Variants in RHOT2 observed in about 807,000 individuals in gnomAD.
RHOT2 encodes the protein ras homolog family member T2.
A neutral mutation model predicts 81.6 loss-of-function variants in RHOT2; 90 were observed. The observed-to-expected ratio is 1.10, with a 90% CI of 0.93 to 1.31. The LOEUF is 1.31. Ranked by LOEUF, RHOT2 falls within the 40% of genes most tolerant of loss-of-function variation. RHOT2 has a pLI of 0.00. For missense variants in RHOT2, 1,014 were observed against 841.9 expected (o/e 1.20, Z -2.53); for synonymous variants, 512 against 370.9 (o/e 1.38, Z -4.37).
At chr16:669,835 C>A (rs1208512104) in intron 5 of RHOT2, 2 of 619,032 alleles carry the variant, frequency 3.2e-6, no homozygotes, top group Non-Finnish European at 5.7e-6. Context: ...CCTCTTTCTT[C>A]CCCAGTTTCC....
At position 670,788 on chromosome 16, in the gene RHOT2, C is replaced by T. The variant is rs548195576; in HGVS notation, c.639+15C>T. 5.0e-6 allele frequency: 8 copies of T among 1,610,892 alleles called. No individual in the cohort carries two copies. In the African/African-American group the frequency reaches 5.3e-5, roughly 11 times the overall value. On this transcript the variant is annotated intron_variant, in intron 9 of 18. Transcript: ENST00000315082. ...ACGCTTTCCAGGTGTGCCCCTGCCC[C>T]ACCCTCGGTGCCCAGCCCCCTTGAA...
At position 670,969 on chromosome 16, in the gene RHOT2, C is replaced by T. The variant is rs752236633; in HGVS notation, c.717C>T (p.Gly239=). 21 of 1,565,968 alleles carry T rather than the reference C, an allele frequency of 1.3e-5. 1 individual carries two copies. The South Asian group carries it at 1.6e-4, about 12-fold the overall frequency. ...VKTVVCRNVA[G]GVREDRLTLD... Reference sequence around the variant, plus strand: ...CGGTGGTGTGCAGGAACGTGGCGGGCGGCGTGCGGGAGGACCGGCTGACCC... The same window carrying T: ...CGGTGGTGTGCAGGAACGTGGCGGGTGGCGTGCGGGAGGACCGGCTGACCC... Residue 239 remains glycine (G), a synonymous_variant, in exon 10 of 19, where the codon GGC becomes GGT. Transcript: ENST00000315082.
At chr16:669,525 C>T in intron 4 of RHOT2, 28 bp from the exon 5 acceptor site, 2 of 1,609,242 alleles carry the variant, frequency 1.2e-6, no homozygotes, top group South Asian at 2.2e-5. Flanking sequence ...GCAGCCCTGT[C>T]ACCCACACCT....
chr16:668,453 C>A, intron 2 of RHOT2, 35 bp from the exon 3 acceptor site: 1 of 1,578,586 alleles, frequency 6.3e-7, no homozygotes, highest in Middle Eastern at 1.8e-4. Flanking sequence ...CGGGCCCAGC[C>A]GGGGGTCCCT....
rs780674095 is a variant in RHOT2, at chr16:670,780, C to A, written c.639+7C>A. 1 of 1,611,132 alleles carries A rather than the reference C, an allele frequency of 6.2e-7. No homozygotes were observed. Among genetic ancestry groups the A allele is most frequent in the Non-Finnish European group, 8.5e-7 (1 of 1,179,486 alleles). ...AGAGCTCAACGCTTTCCAGGTGTGCCCCTGCCCCACCCTCGGTGCCCAGCC... is the reference window on the plus strand; with the variant it reads ...AGAGCTCAACGCTTTCCAGGTGTGCACCTGCCCCACCCTCGGTGCCCAGCC... On this transcript the variant is annotated splice_region_variant and intron_variant, in intron 9 of 18. Transcript: ENST00000315082.
Position 672,685 on chromosome 16 carries a change from G to A in RHOT2, c.1405-18G>A. The A allele has an allele frequency of 6.2e-7, 1 of 1,611,878 alleles. No homozygotes were observed. The highest frequency in any genetic ancestry group is 1.1e-5 in the South Asian group (1 of 91,084). ...ACCGAGCCCCAGGGACCCTTCCTAA[G>A]GCCGCTGTCTGTCCCAGCTCTGTGA... On this transcript the variant is annotated intron_variant, in intron 16 of 18. Coordinates refer to ENST00000315082, the MANE Select transcript of RHOT2 (RefSeq NM_138769.3).
Position 673,489 on chromosome 16 carries a change from C to T in RHOT2, c.1740C>T (p.Val580=), listed in dbSNP as rs774508536. The T allele has an allele frequency of 1.2e-5, 19 of 1,612,518 alleles. No homozygotes were observed. The highest frequency in any genetic ancestry group is 9.9e-5 in the South Asian group (9 of 91,080). The part of the protein sequence containing the change: ...LATMAAFPHL[V]HAELHPSSFW... ...TTCTTCTCTCTTGCAGACATTTGGT[C>T]CACGCAGAGCTGCATCCCTCTTCCT... The change falls in exon 19 of 19, where the codon GTC becomes GTT. Residue 580 remains valine (V), a synonymous_variant. Coordinates refer to ENST00000315082, the MANE Select transcript of RHOT2 (RefSeq NM_138769.3).
At chr16:668,610 C>G in intron 3 of RHOT2, 41 bp downstream of exon 3, 1 of 1,609,212 alleles carries the variant, frequency 6.2e-7, no homozygotes, top group South Asian at 1.1e-5. Context: ...CCGCAGCGGT[C>G]CGGCGGGCCT....
rs1404578705 is a variant in RHOT2, at chr16:670,748, G to C, written c.614G>C (p.Ser205Thr). 2.5e-6 allele frequency: 4 copies of C among 1,612,350 alleles called. No homozygotes were observed. The highest frequency in any genetic ancestry group is 3.4e-6 in the Non-Finnish European group (4 of 1,179,944). The change falls in exon 9 of 19, where the codon AGT becomes ACT. Residue 205 changes from serine to threonine, a missense_variant. Coordinates refer to ENST00000315082, the MANE Select transcript of RHOT2 (RefSeq NM_138769.3). ...GATCAGGACCTGGACCAGGCGCTCA[G>C]TGACGAAGAGCTCAACGCTTTCCAG... is the stretch of plus-strand genomic sequence containing the variant. ...LSDQDLDQALSDEELNAFQKS... is the reference protein window; with the variant it reads ...LSDQDLDQALTDEELNAFQKS...
In RHOT2 at chr16:668,387, G is replaced by A. The variant is rs2038276253; in HGVS notation, c.72G>A (p.Leu24=). 6.8e-7 allele frequency: 1 copy of A among 1,463,322 alleles called. No individual in the cohort carries two copies. The highest frequency in any genetic ancestry group is 9.0e-7 in the Non-Finnish European group (1 of 1,114,590). 90.6% of individuals were successfully genotyped at this position (1,463,322 alleles called of 1,614,324 possible). ...QVGKTSLILS[L]VGEEFPEEVP... Reference sequence around the variant, plus strand: ...GGAAGACGTCGCTGATCCTGTCCCTGGTGGGCGAGGAGTTCCCCGAGGAGG... The same window carrying A: ...GGAAGACGTCGCTGATCCTGTCCCTAGTGGGCGAGGAGTTCCCCGAGGAGG... Residue 24 remains leucine (L), a synonymous_variant, in exon 2 of 19, where the codon CTG becomes CTA. Coordinates refer to ENST00000315082, the MANE Select transcript of RHOT2 (RefSeq NM_138769.3).
chr16:668,325 C>T (rs750182986), intron 1 of RHOT2, 28 bp from the exon 2 acceptor site: 2 of 1,379,254 alleles, frequency 1.5e-6, no homozygotes, highest in Admixed American at 7.6e-5. Context: ...GACCTTGGCC[C>T]TCGCGCTGAC....
intron 5 of RHOT2, 112 bp downstream of exon 5, chr16:669,718 C>G (rs2038583097): frequency 2.7e-6 from 3 of 1,130,144 alleles, no homozygotes. Context: ...TTTGGGGAGC[C>G]TGACGTGGAG....
At position 671,685 on chromosome 16, in the gene RHOT2, G is replaced by A; in HGVS notation, c.870-12G>A. ...TCTCCTGGGAGCTAGACGGGCTGTG[G>A]CCTCCCTGCAGGATCCACGTGCCCC... On this transcript the variant is annotated splice_polypyrimidine_tract_variant and intron_variant, in intron 11 of 18. Transcript: ENST00000315082. 1 of 1,609,358 alleles carries A rather than the reference G, an allele frequency of 6.2e-7. No individual in the cohort carries two copies. Among genetic ancestry groups the A allele is most frequent in the East Asian group, 2.2e-5 (1 of 44,778 alleles).
In RHOT2 at chr16:670,471, C is replaced by T. The variant is rs763786580; in HGVS notation, c.454C>T (p.Leu152=). 8.7e-6 allele frequency: 14 copies of T among 1,606,770 alleles called. No homozygotes were observed. In the East Asian group the frequency reaches 1.3e-4, roughly 15 times the overall value. ...ETCVECSAKN[L]RNISELFYYA... ...ACTTTCCCAGTGTTCGGCCAAGAACCTGAGGAACATCTCAGAGCTGTTCTA... is the reference window on the plus strand; with the variant it reads ...ACTTTCCCAGTGTTCGGCCAAGAACTTGAGGAACATCTCAGAGCTGTTCTA... The change falls in exon 8 of 19, where the codon CTG becomes TTG. Residue 152 remains leucine (L), a synonymous_variant. Coordinates refer to ENST00000315082, the MANE Select transcript of RHOT2 (RefSeq NM_138769.3).
chr16:669,515 G>C, intron 4 of RHOT2, 38 bp from the exon 5 acceptor site: 1 of 1,605,746 alleles, frequency 6.2e-7, no homozygotes, highest in Non-Finnish European at 8.5e-7. Context: ...TGGTGAGCCA[G>C]CAGCCCTGTC....
In RHOT2 at chr16:670,466, A is replaced by G. The variant is rs775926880; in HGVS notation, c.449A>G (p.Lys150Arg). 6.2e-6 allele frequency: 10 copies of G among 1,606,284 alleles called. No individual in the cohort carries two copies. In the Admixed American group the frequency reaches 1.0e-4, roughly 16 times the overall value. ...TTCCCACTTTCCCAGTGTTCGGCCA[A>G]GAACCTGAGGAACATCTCAGAGCTG... ...EIETCVECSA[K>R]NLRNISELFY... The change falls in exon 8 of 19, where the codon AAG becomes AGG. Residue 150 changes from lysine to arginine, a missense_variant. Physicochemically the swap from Lys to Arg is conservative, Grantham distance 26 (BLOSUM62 2). Transcript: ENST00000315082.
Position 672,365 on chromosome 16 carries a change from T to G in RHOT2, c.1307T>G (p.Phe436Cys). ...GVGKSAFLQA[F>C]LGRGLGHQDT... ...GGCAAGTCTGCCTTCCTGCAGGCCT[T>G]TCTCGGCCGCGGCCTGGGGGTAAGC... The change falls in exon 15 of 19, where the codon TTT becomes TGT. Residue 436 changes from phenylalanine (F) to cysteine (C), a missense_variant. Transcript: ENST00000315082. 6.2e-7 allele frequency: 1 copy of G among 1,610,888 alleles called. No homozygotes were observed. Among genetic ancestry groups the G allele is most frequent in the Non-Finnish European group, 8.5e-7 (1 of 1,178,868 alleles).
In RHOT2 at chr16:670,144, C is replaced by G; in HGVS notation, c.298C>G (p.Leu100Val). 6.3e-7 allele frequency: 1 copy of G among 1,585,398 alleles called. No homozygotes were observed. Among genetic ancestry groups the G allele is most frequent in the Non-Finnish European group, 8.6e-7 (1 of 1,167,500 alleles). The stretch of plus-strand genomic sequence containing the variant: ...TCAGATTCGAACTAAGTGGATCCCA[C>G]TGGTGAATGGGGGGACCACGCAGGG... ...IEKIRTKWIP[L>V]VNGGTTQGPR... The change falls in exon 6 of 19, where the codon CTG (leucine) becomes GTG (valine). Residue 100 changes from leucine (L) to valine (V), a missense_variant. Leu to Val is a conservative substitution (Grantham distance 32, BLOSUM62 1). Coordinates refer to ENST00000315082, the MANE Select transcript of RHOT2 (RefSeq NM_138769.3).
chr16:671,053 T>C, intron 10 of RHOT2, 30 bp from the exon 11 acceptor site: 6 of 1,607,948 alleles, frequency 3.7e-6, no homozygotes, highest in Non-Finnish European at 5.1e-6. Flanking sequence ...GGGCTGTGCC[T>C]GGTGCTCCCC....
Sources: allele counts gnomAD v4.1 joint callset, GRCh38; gene constraint gnomAD v4.1.1; transcripts MANE v1.5; gene names NCBI Gene and HGNC (gene_info 2026-07-23, HGNC 2026-07-21).